Variants in P3H2 observed in about 807,000 individuals in gnomAD.
P3H2 encodes the protein prolyl 3-hydroxylase 2, also known as leprecan-like 1.
A neutral mutation model predicts 87.0 loss-of-function variants in P3H2; 80 were observed. The ratio of observed to expected loss-of-function variants is 0.92; its 90% CI spans 0.77 to 1.11. The LOEUF is 1.11. P3H2 is among the 50% of genes least tolerant of loss of function. P3H2 has a pLI of 0.00. For synonymous variants in P3H2, 367 were observed against 359.3 expected, an observed-to-expected ratio of 1.02 and a Z score of -0.24; for missense variants, 1,001 against 923.9, an observed-to-expected ratio of 1.08 and a Z score of -1.08.
At chr3:190,090,928 C>T (rs1223198150) in intron 1 of P3H2, among the ~76,000 whole-genome samples, 1 of 152,132 alleles carries the variant, frequency 6.6e-6, no homozygotes, top group East Asian at 1.9e-4. Context: ...GTTACCTACT[C>T]CCTCATCAAT....
chr3:190,090,122 A>G (rs1727361021), intron 1 of P3H2, among the ~76,000 whole-genome samples: 1 of 151,914 alleles, frequency 6.6e-6, no homozygotes, highest in South Asian at 2.1e-4. Flanking sequence ...GCCCCAACAG[A>G]CCCTTTCCAT....
intron 8 of P3H2, 24 bp downstream of exon 8, chr3:189,983,022 G>A: frequency 6.4e-7 from 1 of 1,564,796 alleles, no homozygotes; most frequent in Non-Finnish European, 8.8e-7. Flanking sequence ...CTCCTTTATA[G>A]GGTAAAAGTG....
chr3:190,007,965 C>CACACACACACACACACACACACAT lies in P3H2; in HGVS notation c.481-12524_481-12523insATGTGTGTGTGTGTGTGTGTGTGT. Among the ~76,000 whole-genome samples the CACACACACACACACACACACACAT allele has an allele frequency of 8.9e-4, 84 of 94,358 alleles. 1 individual carries two copies. Among genetic ancestry groups the CACACACACACACACACACACACAT allele is most frequent in the Non-Finnish European group, 1.2e-3 (57 of 46,736 alleles). 61.9% of individuals were successfully genotyped at this position (94,358 alleles called of 152,430 possible). On this transcript the variant is annotated intron_variant, in intron 1 of 14. Transcript: ENST00000319332. ...GCCTGAGACTCTATTTGTTGACACA[C>CACACACACACACACACACACACAT]ATATATATATATATATATATAGTAA... is the stretch of plus-strand genomic sequence containing the variant.
At position 189,968,544 on chromosome 3, in the gene P3H2, G is replaced by A. The variant is rs148230340; in HGVS notation, c.1893+2272C>T. Among the ~76,000 whole-genome samples the A allele has an allele frequency of 7.0e-4, 107 of 152,190 alleles. 3 individuals are homozygous for A. The highest frequency in any genetic ancestry group is 6.4e-3 in the East Asian group (33 of 5,174). On this transcript the variant is annotated intron_variant, in intron 13 of 14. Coordinates refer to ENST00000319332, the MANE Select transcript of P3H2 (RefSeq NM_018192.4). The stretch of plus-strand genomic sequence containing the variant: ...AGTCTTTGCTATTGTGAACAGTGCC[G>A]CAATAAACATACATGTGCATATGTC...
At position 189,995,414 on chromosome 3, in the gene P3H2, G is replaced by A; in HGVS notation, c.509C>T (p.Ala170Val). Residue 170 changes from alanine (A) to valine (V), a missense_variant, in exon 2 of 15, where the codon GCA (alanine) becomes GTA (valine). By Grantham distance (64) the Ala-to-Val change is moderately conservative. Coordinates refer to ENST00000319332, the MANE Select transcript of P3H2 (RefSeq NM_018192.4). ...KLNQLEKAVEAAHTFFVANPE... is the reference protein window; with the variant it reads ...KLNQLEKAVEVAHTFFVANPE... ...GTTAGCCACGAAAAATGTGTGAGCTGCTTCCACTGCTTTTTCGAGCTGGTT... is the reference window on the plus strand; with the variant it reads ...GTTAGCCACGAAAAATGTGTGAGCTACTTCCACTGCTTTTTCGAGCTGGTT... 1 of 1,613,916 alleles carries A rather than the reference G, an allele frequency of 6.2e-7. No homozygotes were observed.
At chr3:190,089,280 A>G (rs7623938) in intron 1 of P3H2, among the ~76,000 whole-genome samples, 21,816 of 152,192 alleles carry the variant, frequency 0.14, 1,684 homozygotes, top group Middle Eastern at 0.26. Context: ...ATGACGAGTT[A>G]ATGGGTGCAG....
Position 189,957,365 on chromosome 3 carries a change from GGAGCACACGT to G in P3H2, c.*537_*546del. The G allele has an allele frequency of 2.5e-6, 1 of 399,974 alleles. No homozygotes were observed. The highest frequency in any genetic ancestry group is 3.6e-5 in the East Asian group (1 of 27,840). The allele number at this position is 399,974 out of a possible 1,614,324, so 24.8% of individuals were successfully genotyped here. A position where few individuals can be genotyped will look rare whatever the true frequency, so the allele number is the denominator to read the frequency against. ...CCAGGCACAGGTTAATTTTAGAACTGGAGCACACGTGAGAGTTGTAGTTTCACCACCAAGA... is the reference window on the plus strand; with the variant it reads ...CCAGGCACAGGTTAATTTTAGAACTGGAGAGTTGTAGTTTCACCACCAAGA... On this transcript the variant is annotated 3_prime_UTR_variant, in exon 15 of 15. Transcript: ENST00000319332.
chr3:189,966,177 AAGAAAG>A, intron 13 of P3H2, among the ~76,000 whole-genome samples: 1 of 144,800 alleles, frequency 6.9e-6, no homozygotes, highest in East Asian at 2.1e-4. Context: ...GAAAGAAAGA[AAGAAAG>A]AAAGAAAGAA....
At chr3:190,077,827 T>C (rs1726918966) in intron 1 of P3H2, among the ~76,000 whole-genome samples, 1 of 152,194 alleles carries the variant, frequency 6.6e-6, no homozygotes, top group Non-Finnish European at 1.5e-5. Context: ...AGAACAAAGC[T>C]CTTATCAAGA....
intron 1 of P3H2, among the ~76,000 whole-genome samples, chr3:190,049,049 G>A (rs895968761): frequency 1.3e-5 from 2 of 152,132 alleles, no homozygotes; most frequent in East Asian, 1.9e-4. Context: ...GGGCACGTCC[G>A]TGACTCAGTC....
intron 1 of P3H2, among the ~76,000 whole-genome samples, chr3:189,998,132 A>T (rs562368214): frequency 5.3e-5 from 8 of 152,278 alleles, no homozygotes; most frequent in African/African-American, 1.7e-4. Context: ...AAGGAGGTGA[A>T]TCTGCTCCCA....
In P3H2 at chr3:189,995,449, AG is replaced by A; in HGVS notation, c.481-8del. ...CTTTTTCGAGCTGGTTAAGCTAAAG[AG>A]AAAAAAAAATGACCAAAATGAAGGC... On this transcript the variant is annotated splice_region_variant and splice_polypyrimidine_tract_variant and intron_variant, in intron 1 of 14. Transcript: ENST00000319332. The A allele has an allele frequency of 1.2e-6, 2 of 1,612,750 alleles. No homozygotes were observed.
rs1342533090 is a variant in P3H2 at position 189,957,487 on chromosome 3, G to A, written c.*425C>T. ...TGTGTGTGTGTGTGTGTGTTTGGGG[G>A]AGGAGGTGAACTGGGCTTTGATAGA... On this transcript the variant is annotated 3_prime_UTR_variant, in exon 15 of 15. Coordinates refer to ENST00000319332, the MANE Select transcript of P3H2 (RefSeq NM_018192.4). 2.1e-5 allele frequency: 8 copies of A among 384,300 alleles called. No individual in the cohort carries two copies. Among genetic ancestry groups the A allele is most frequent in the East Asian group, 4.5e-5 (1 of 22,236 alleles). 23.8% of individuals were successfully genotyped at this position (384,300 alleles called of 1,614,324 possible). A position where few individuals can be genotyped will look rare whatever the true frequency, so the allele number is the denominator to read the frequency against.
At chr3:190,055,012 CT>C (rs1726104543) in intron 1 of P3H2, among the ~76,000 whole-genome samples, 1 of 152,272 alleles carries the variant, frequency 6.6e-6, no homozygotes, top group Non-Finnish European at 1.5e-5. Flanking sequence ...CTCCCAATTC[CT>C]TTTCCTTCCT....
intron 1 of P3H2, among the ~76,000 whole-genome samples, chr3:190,068,161 T>C (rs1299678230): frequency 6.6e-6 from 1 of 152,172 alleles, no homozygotes; most frequent in African/African-American, 2.4e-5. Flanking sequence ...ATAAGATAAA[T>C]CTTATAAATC....
chr3:189,995,101 A>C (rs944377394), intron 2 of P3H2, among the ~76,000 whole-genome samples, 189 bp downstream of exon 2: 8 of 152,224 alleles, frequency 5.3e-5, no homozygotes, highest in African/African-American at 1.7e-4. Flanking sequence ...ATTTTAATTA[A>C]AATTTTAAAA....
chr3:190,065,395 T>C (rs1405413320), intron 1 of P3H2, among the ~76,000 whole-genome samples: 1 of 152,176 alleles, frequency 6.6e-6, no homozygotes, highest in Non-Finnish European at 1.5e-5. Context: ...AAGCCATTTG[T>C]TGAAGACGTC....
At chr3:190,045,304 C>T (rs574692856) in intron 1 of P3H2, among the ~76,000 whole-genome samples, 71 of 152,284 alleles carry the variant, frequency 4.7e-4, no homozygotes, top group Non-Finnish European at 9.3e-4. Flanking sequence ...TTGTGTGGTA[C>T]ACTTAGATAT....
Position 190,111,540 on chromosome 3 carries a change from T to A in P3H2, c.480+8712A>T, listed in dbSNP as rs190994359. Among the ~76,000 whole-genome samples the A allele has an allele frequency of 3.9e-3, 596 of 152,026 alleles. 4 individuals carry two copies. Among genetic ancestry groups the A allele is most frequent in the Non-Finnish European group, 6.2e-3 (421 of 67,954 alleles). ...GGGTGGGGAGAAAGAATGCCTTTTT[T>A]AAAAAAAATCAGTCAAAGGGGCTCT... On this transcript the variant is annotated intron_variant, in intron 1 of 14. Transcript: ENST00000319332.
Sources: gnomAD v4.1 joint callset for allele counts (sites outside exome capture counted in the v4.1 genomes callset) on GRCh38, gnomAD v4.1.1 for gene constraint, MANE v1.5 for transcripts, NCBI Gene and HGNC (gene_info 2026-07-23, HGNC 2026-07-21) for gene names.